ABCB10: variants seen among roughly 807,000 people sequenced by gnomAD.
ABCB10 encodes ATP binding cassette subfamily B member 10, also known as ATP-binding cassette sub-family B member 10, mitochondrial.
In ABCB10, 54 loss-of-function variants were observed where a neutral mutation model predicts 65.4. That is an observed-to-expected ratio of 0.83 (90% CI 0.66 to 1.04). The LOEUF (loss-of-function observed/expected upper bound fraction) is 1.04, where lower values mean the gene tolerates loss of function less well. ABCB10 is among the 50% of genes least tolerant of loss of function. ABCB10 has a pLI of 0.00. For missense variants in ABCB10, 846 were observed against 976.6 expected, an observed-to-expected ratio of 0.87 and a Z score of 1.78; for synonymous variants, 418 against 406.5, an observed-to-expected ratio of 1.03 and a Z score of -0.34.
chr1:229,521,574 A>G lies in ABCB10; in HGVS notation c.1950+18T>C, dbSNP rs1246070353. ...ATAATCCCTAATTTAAAAAACATCC[A>G]AGTCGCTTCAGGCTTACCTTTAGCA... On this transcript the variant is annotated intron_variant, in intron 11 of 12. Transcript: ENST00000344517. 1 of 1,585,106 alleles carries G rather than the reference A, an allele frequency of 6.3e-7. No homozygotes were observed. Among genetic ancestry groups the G allele is most frequent in the African/African-American group, 1.4e-5 (1 of 73,950 alleles).
At position 229,547,714 on chromosome 1, in the gene ABCB10, ACACGAACAGGCT is replaced by A; in HGVS notation, c.719-25_719-14del. On this transcript the variant is annotated splice_polypyrimidine_tract_variant and intron_variant, in intron 2 of 12. Coordinates refer to ENST00000344517, the MANE Select transcript of ABCB10 (RefSeq NM_012089.3). ...ACAATGCGCTGACCTGCAAAAGCAA[ACACGAACAGGCT>A]CACCAAGGGTAAAGACATCCATTAC... is the stretch of plus-strand genomic sequence containing the variant. 1 of 1,613,986 alleles carries A rather than the reference ACACGAACAGGCT, an allele frequency of 6.2e-7. No individual in the cohort carries two copies. Among genetic ancestry groups the A allele is most frequent in the East Asian group, 2.2e-5 (1 of 44,874 alleles).
intron 6 of ABCB10, among the ~76,000 whole-genome samples, chr1:229,536,665 G>A (rs761316296): frequency 2.0e-5 from 3 of 152,162 alleles, no homozygotes; most frequent in Non-Finnish European, 4.4e-5. Flanking sequence ...AAAAAGGAAT[G>A]ACATACTAGC....
At chr1:229,553,572 G>T (rs1199247609) in intron 1 of ABCB10, among the ~76,000 whole-genome samples, 1 of 151,890 alleles carries the variant, frequency 6.6e-6, no homozygotes, top group African/African-American at 2.4e-5. Flanking sequence ...TTAAGAACTA[G>T]GACGTGATGA....
chr1:229,526,172 A>G (rs1662440250), intron 9 of ABCB10, 56 bp from the exon 10 acceptor site: 1 of 1,531,530 alleles, frequency 6.5e-7, no homozygotes, highest in South Asian at 1.2e-5. Context: ...AAACATGTCT[A>G]ATAAATTTAG....
Position 229,530,393 on chromosome 1 carries a change from T to C in ABCB10, c.1451A>G (p.Asn484Ser), listed in dbSNP as rs758539816. Residue 484 changes from asparagine (N) to serine (S), a missense_variant, in exon 8 of 13, where the codon AAT (asparagine) becomes AGT (serine). Coordinates refer to ENST00000344517, the MANE Select transcript of ABCB10 (RefSeq NM_012089.3). The part of the protein sequence containing the change: ...KLPFNEGVIL[N>S]EKSFQGALEF... The stretch of plus-strand genomic sequence containing the variant: ...CAAAGCACCCTGGAAGCTTTTCTCA[T>C]TTAAGATGACCCCCTCTGAAACATA... 3.1e-6 allele frequency: 5 copies of C among 1,614,192 alleles called. No individual in the cohort carries two copies. In the Middle Eastern group the frequency reaches 8.2e-4, roughly 266 times the overall value.
chr1:229,522,275 C>T (rs527911356), intron 10 of ABCB10, among the ~76,000 whole-genome samples: 3 of 152,272 alleles, frequency 2.0e-5, no homozygotes, highest in South Asian at 2.1e-4. Flanking sequence ...GGCATGAACA[C>T]GGCTCATTGC....
intron 8 of ABCB10, 28 bp downstream of exon 8, chr1:229,530,171 C>T (rs780722038): frequency 1.5e-5 from 24 of 1,609,992 alleles, no homozygotes; most frequent in South Asian, 2.2e-5. Flanking sequence ...GAGAGTCCCT[C>T]GGTGCTACAG....
At chr1:229,529,667 CAAAAAAAAAAAAAAA>C (rs969766089) in intron 8 of ABCB10, among the ~76,000 whole-genome samples, 2 of 23,218 alleles carry the variant, frequency 8.6e-5, no homozygotes, top group South Asian at 1.4e-3. Flanking sequence ...AAGACTGTCT[CAAAAAAAAAAAAAAA>C]AAAAAAAAAA....
chr1:229,538,498 G>A (rs955205505), intron 6 of ABCB10, among the ~76,000 whole-genome samples: 1 of 152,178 alleles, frequency 6.6e-6, no homozygotes, highest in East Asian at 1.9e-4. Flanking sequence ...AGGAAACGGA[G>A]AGGGAAGAGC....
In ABCB10 at chr1:229,521,149, T is replaced by C. The variant is rs12089953; in HGVS notation, c.1950+443A>G. ...GGCTATTGCTTCCTTAAAAAGAGAATGCCCGCCTTTCAGCTAAAATGGCTC... is the reference window on the plus strand; with the variant it reads ...GGCTATTGCTTCCTTAAAAAGAGAACGCCCGCCTTTCAGCTAAAATGGCTC... On this transcript the variant is annotated intron_variant, in intron 11 of 12. Transcript: ENST00000344517. Among the ~76,000 whole-genome samples, 1,375 of 152,264 alleles carry C rather than the reference T, an allele frequency of 9.0e-3. 21 individuals carry two copies. The highest frequency in any genetic ancestry group is 0.031 in the African/African-American group (1,297 of 41,566).
intron 8 of ABCB10, 81 bp downstream of exon 8, chr1:229,530,118 G>A: frequency 7.3e-7 from 1 of 1,371,952 alleles, no homozygotes; most frequent in Non-Finnish European, 1.0e-6. Context: ...TATTTGCATG[G>A]TTTGAGCATC....
chr1:229,558,234 GGCGCCGCCGGCCC>G lies in ABCB10; in HGVS notation c.406_418del (p.Gly136LeufsTer72). 3.0e-6 allele frequency: 4 copies of G among 1,353,518 alleles called. No individual in the cohort carries two copies. The highest frequency in any genetic ancestry group is 1.7e-5 in the South Asian group (1 of 58,574). 83.8% of individuals were successfully genotyped at this position (1,353,518 alleles called of 1,614,324 possible). On this transcript the variant is annotated frameshift_variant, in exon 1 of 13. Transcript: ENST00000344517. LOFTEE classifies it high-confidence loss of function. ...GCGCAGCCGCCCCTTGTCCCCGGGA[GGCGCCGCCGGCCC>G]GCGCCGCCAGGCCTCGTCCCCTGCC...
chr1:229,517,705 G>A lies in ABCB10; in HGVS notation c.*474C>T, dbSNP rs1662207627. 1 of 155,836 alleles carries A rather than the reference G, an allele frequency of 6.4e-6. No homozygotes were observed. The highest frequency in any genetic ancestry group is 6.4e-5 in the Admixed American group (1 of 15,618). The allele number at this position is 155,836 out of a possible 1,614,324, so 9.7% of individuals were successfully genotyped here. A position where few individuals can be genotyped will look rare whatever the true frequency, so the allele number is the denominator to read the frequency against. ...GCTTCATGAGATTATCGGAATAAAG[G>A]GTTAAATTTTCAATTTCCATTATTC... On this transcript the variant is annotated 3_prime_UTR_variant, in exon 13 of 13. Transcript: ENST00000344517.
Position 229,539,595 on chromosome 1 carries a change from T to C in ABCB10, c.1204-4A>G. ...TCAGGTTTCCGGAGAGCCCAGTCTG[T>C]CGAATGAAGAAAACACAGAAGTCAG... is the stretch of plus-strand genomic sequence containing the variant. On this transcript the variant is annotated splice_polypyrimidine_tract_variant and splice_region_variant and intron_variant, in intron 5 of 12. Coordinates refer to ENST00000344517, the MANE Select transcript of ABCB10 (RefSeq NM_012089.3). 1 of 1,611,798 alleles carries C rather than the reference T, an allele frequency of 6.2e-7. No individual in the cohort carries two copies. The highest frequency in any genetic ancestry group is 8.5e-7 in the Non-Finnish European group (1 of 1,179,324).
At chr1:229,550,525 C>CAAAAAAAAAAAAAAAAA (rs60323914) in intron 1 of ABCB10, among the ~76,000 whole-genome samples, 67 of 63,512 alleles carry the variant, frequency 1.1e-3, no homozygotes, top group African/African-American at 4.9e-3. Context: ...ATGCTGTCTC[C>CAAAAAAAAAAAAAAAAA]AAAAAAAAAA....
intron 10 of ABCB10, among the ~76,000 whole-genome samples, chr1:229,523,668 G>C (rs1035852792): frequency 1.3e-5 from 2 of 152,126 alleles, no homozygotes; most frequent in Non-Finnish European, 1.5e-5. Flanking sequence ...CTATTACTAG[G>C]TGCTCTGTCT....
chr1:229,533,860 G>A (rs916313328), intron 6 of ABCB10, among the ~76,000 whole-genome samples: 3 of 151,070 alleles, frequency 2.0e-5, no homozygotes, highest in Admixed American at 6.6e-5. Context: ...AAGTGTAGAT[G>A]ACCTTGAATT....
intron 1 of ABCB10, among the ~76,000 whole-genome samples, chr1:229,556,096 C>T (rs1663242557): frequency 6.6e-6 from 1 of 152,008 alleles, no homozygotes; most frequent in South Asian, 2.1e-4. Flanking sequence ...AAAAGAAGGC[C>T]GGGTGCAGTG....
intron 6 of ABCB10, among the ~76,000 whole-genome samples, chr1:229,536,084 G>A (rs1662715265): frequency 6.6e-6 from 1 of 152,124 alleles, no homozygotes; most frequent in Non-Finnish European, 1.5e-5. Flanking sequence ...TAGGGAGGCT[G>A]TGCATGTATG....
Sources: gnomAD v4.1 joint callset for allele counts (sites outside exome capture counted in the v4.1 genomes callset) on GRCh38, gnomAD v4.1.1 for gene constraint, MANE v1.5 for transcripts, NCBI Gene and HGNC (gene_info 2026-07-23, HGNC 2026-07-21) for gene names.